Variants in EPB41L4A observed in about 807,000 individuals in gnomAD.
The protein encoded by EPB41L4A is band 4.1-like protein 4A.
A neutral mutation model predicts 108.6 loss-of-function variants in EPB41L4A; 100 were observed. The ratio of observed to expected loss-of-function variants is 0.92; its 90% CI spans 0.78 to 1.09. EPB41L4A has a LOEUF of 1.09. EPB41L4A is among the 50% of genes least tolerant of loss of function. EPB41L4A has a pLI of 0.00. For synonymous variants in EPB41L4A, 319 were observed against 289.0 expected (o/e 1.10, Z -1.05); for missense variants, 1,030 against 842.7 (o/e 1.22, Z -2.75).
intron 12 of EPB41L4A, among the ~76,000 whole-genome samples, chr5:112,225,354 G>C (rs951703814): frequency 6.6e-6 from 1 of 152,126 alleles, no homozygotes; most frequent in Non-Finnish European, 1.5e-5. Flanking sequence ...TAACACAGGA[G>C]AAATTCCTAA....
chr5:112,171,444 T>A (rs1235310732), intron 18 of EPB41L4A, among the ~76,000 whole-genome samples: 1 of 152,256 alleles, frequency 6.6e-6, no homozygotes, highest in South Asian at 2.1e-4. Context: ...GGGATGGCCC[T>A]GATGGCAGAC....
chr5:112,182,117 T>A (rs761813422), intron 18 of EPB41L4A, among the ~76,000 whole-genome samples: 2 of 151,896 alleles, frequency 1.3e-5, no homozygotes, highest in Non-Finnish European at 2.9e-5. Context: ...GGGCACTGAC[T>A]AGAAGGAGCA....
At chr5:112,365,162 T>C (rs1307583518) in intron 1 of EPB41L4A, among the ~76,000 whole-genome samples, 3 of 152,206 alleles carry the variant, frequency 2.0e-5, no homozygotes, top group African/African-American at 7.2e-5. Flanking sequence ...GCCTGAATTA[T>C]AAAGATTATA....
At position 112,409,767 on chromosome 5, in the gene EPB41L4A, G is replaced by A. The variant is rs553007990; in HGVS notation, c.99+9174C>T. ...CTACTAACAGCTGCTACCACTCACCGGGAAAGGAGCTAAGGGTTTCATGTA... is the reference window on the plus strand; with the variant it reads ...CTACTAACAGCTGCTACCACTCACCAGGAAAGGAGCTAAGGGTTTCATGTA... On this transcript the variant is annotated intron_variant, in intron 1 of 22. Transcript: ENST00000261486. 1.1e-4 allele frequency among the ~76,000 whole-genome samples: 17 copies of A among 152,216 alleles called. No homozygotes were observed. The East Asian group carries it at 2.1e-3, about 19-fold the overall frequency.
upstream of EPB41L4A, chr5:112,419,588 T>A (rs1216605027): frequency 2.2e-6 from 1 of 453,832 alleles, no homozygotes; most frequent in African/African-American, 2.0e-5. Flanking sequence ...CCGGGTCAGA[T>A]CCGCCGAGTA....
chr5:112,418,768 ACT>A (rs1762874153), intron 1 of EPB41L4A, among the ~76,000 whole-genome samples, 171 bp downstream of exon 1: 1 of 151,910 alleles, frequency 6.6e-6, no homozygotes, highest in African/African-American at 2.4e-5. Context: ...CTCAAAGTTA[ACT>A]CACCCTGGTA....
intron 1 of EPB41L4A, among the ~76,000 whole-genome samples, chr5:112,347,978 A>G (rs1255490372): frequency 6.6e-6 from 1 of 152,222 alleles, no homozygotes; most frequent in East Asian, 1.9e-4. Context: ...CCTACTGCTT[A>G]CCATATCTGC....
At chr5:112,325,561 T>C (rs143658363) in intron 1 of EPB41L4A, among the ~76,000 whole-genome samples, 14 of 152,368 alleles carry the variant, frequency 9.2e-5, no homozygotes, top group Non-Finnish European at 1.6e-4. Context: ...GAAGCTATTA[T>C]TTTTCTTTAT....
At chr5:112,373,387 A>G (rs1386826328) in intron 1 of EPB41L4A, among the ~76,000 whole-genome samples, 7 of 152,196 alleles carry the variant, frequency 4.6e-5, no homozygotes, top group Non-Finnish European at 8.8e-5. Context: ...CACTGCCAGC[A>G]CTAGCTCCTC....
At chr5:112,277,880 C>A (rs1414320857) in intron 3 of EPB41L4A, among the ~76,000 whole-genome samples, 4 of 152,142 alleles carry the variant, frequency 2.6e-5, no homozygotes, top group African/African-American at 9.7e-5. Context: ...TGTCTTGAAT[C>A]CACATCATTC....
At chr5:112,143,719 T>C (rs558973727) in exon 14 of EPB41L4A, 1 of 278,934 alleles carries the variant, frequency 3.6e-6, no homozygotes, top group Admixed American at 4.3e-5. Context: ...ATTTTCCCTA[T>C]TGACTCCAAT....
At position 112,332,364 on chromosome 5, in the gene EPB41L4A, C is replaced by CCAGG. The variant is rs140567947; in HGVS notation, c.100-24878_100-24875dup. Among the ~76,000 whole-genome samples, 333 of 152,312 alleles carry CCAGG rather than the reference C, an allele frequency of 2.2e-3. 1 individual carries two copies. The highest frequency in any genetic ancestry group is 7.7e-3 in the African/African-American group (321 of 41,544). On this transcript the variant is annotated intron_variant, in intron 1 of 22. Transcript: ENST00000261486. ...AGTAATTATTTGGCTTGGGGACCAC[C>CCAGG]CAGGACCTTGACTCCTCTTTTGTCT...
intron 1 of EPB41L4A, among the ~76,000 whole-genome samples, chr5:112,350,448 A>G (rs1757967150): frequency 6.6e-6 from 1 of 152,196 alleles, no homozygotes; most frequent in South Asian, 2.1e-4. Flanking sequence ...TAGGATATTC[A>G]TCACCTCGAG....
Position 112,275,471 on chromosome 5 carries a change from T to C in EPB41L4A, c.257-67A>G, listed in dbSNP as rs1032925426. Reference sequence around the variant, plus strand: ...ATTAGTCAAAGTTACAGTATAATATTATACAGCTATTTACAATTACACTCC... The same window carrying C: ...ATTAGTCAAAGTTACAGTATAATATCATACAGCTATTTACAATTACACTCC... On this transcript the variant is annotated intron_variant, in intron 3 of 22. Coordinates refer to ENST00000261486, the MANE Select transcript of EPB41L4A (RefSeq NM_022140.5). The C allele has an allele frequency of 3.4e-5, 46 of 1,358,438 alleles. No homozygotes were observed. The Middle Eastern group carries it at 7.8e-4, about 23-fold the overall frequency. 84.1% of individuals were successfully genotyped at this position (1,358,438 alleles called of 1,614,324 possible).
intron 4 of EPB41L4A, among the ~76,000 whole-genome samples, chr5:112,270,333 T>C (rs372634711): frequency 2.0e-5 from 3 of 152,158 alleles, no homozygotes; most frequent in Admixed American, 6.5e-5. Flanking sequence ...AGTACCAACC[T>C]ACACAGAGGT....
At chr5:112,388,965 T>G (rs1760745879) in intron 1 of EPB41L4A, among the ~76,000 whole-genome samples, 1 of 152,150 alleles carries the variant, frequency 6.6e-6, no homozygotes, top group Admixed American at 6.5e-5. Flanking sequence ...AGTAAATTAT[T>G]GGTTTACAGG....
intron 13 of EPB41L4A, 74 bp from the exon 14 acceptor site, chr5:112,205,578 A>C: frequency 5.9e-6 from 7 of 1,185,358 alleles, no homozygotes; most frequent in Non-Finnish European, 8.5e-6. Flanking sequence ...TTATTTGTTA[A>C]GTAAAACTTT....
chr5:112,271,121 T>C (rs1348096508), intron 4 of EPB41L4A, among the ~76,000 whole-genome samples: 2 of 152,294 alleles, frequency 1.3e-5, no homozygotes, highest in South Asian at 4.1e-4. Flanking sequence ...GTACTCCAGA[T>C]AGTTACTGAA....
intron 15 of EPB41L4A, 23 bp downstream of exon 15, chr5:112,204,352 C>G (rs1239821746): frequency 1.3e-6 from 2 of 1,520,120 alleles, no homozygotes; most frequent in East Asian, 4.5e-5. Flanking sequence ...AAGCTGCTAA[C>G]AGAGAGATTG....
Sources: gnomAD v4.1 joint callset for allele counts (sites outside exome capture counted in the v4.1 genomes callset) on GRCh38, gnomAD v4.1.1 for gene constraint, MANE v1.5 for transcripts, NCBI Gene and HGNC (gene_info 2026-07-23, HGNC 2026-07-21) for gene names.